The following ZNF454 variants were observed in gnomAD, a reference collection of about 807,000 sequenced individuals.
ZNF454 encodes the protein zinc finger protein 454.
A neutral mutation model predicts 48.2 loss-of-function variants in ZNF454; 30 were observed. The ratio of observed to expected loss-of-function variants is 0.62; its 90% CI spans 0.47 to 0.84. The LOEUF (loss-of-function observed/expected upper bound fraction) is 0.84, where lower values mean the gene tolerates loss of function less well. Ranked by LOEUF, ZNF454 falls within the 40% of genes least tolerant of loss-of-function variation. The pLI is 0.00. For synonymous variants in ZNF454, 204 were observed against 211.4 expected (o/e 0.97, Z 0.30); for missense variants, 510 against 623.1 (o/e 0.82, Z 1.93).
At chr5:178,983,842 C>T in the ZNF454 span, among the ~76,000 whole-genome samples, 7 of 152,214 alleles carry the variant, frequency 4.6e-5, no homozygotes, top group African/African-American at 1.7e-4. Context: ...AGGAACGAAG[C>T]CACCTGCATA....
the ZNF454 span, among the ~76,000 whole-genome samples, chr5:178,974,914 A>G: frequency 6.6e-6 from 1 of 152,192 alleles, no homozygotes; most frequent in South Asian, 2.1e-4. Context: ...AAGCTGGACC[A>G]CCACGGATCT....
At chr5:178,989,337 A>C in the ZNF454 span, 1 of 1,613,374 alleles carries the variant, frequency 6.2e-7, no homozygotes, top group South Asian at 1.1e-5. Flanking sequence ...TTCTCTTCCC[A>C]GAACTCGGCG....
chr5:178,985,556 A>G, the ZNF454 span: 7 of 337,834 alleles, frequency 2.1e-5, no homozygotes, highest in East Asian at 8.2e-5. Flanking sequence ...ACAAAAAATT[A>G]GCCGGGCGTG....
downstream of ZNF454, among the ~76,000 whole-genome samples, chr5:178,970,532 CAT>C (rs772709129): frequency 1.3e-5 from 2 of 152,240 alleles, no homozygotes; most frequent in African/African-American, 2.4e-5. Flanking sequence ...CTGTGTACCA[CAT>C]GTCACTGTCT....
the ZNF454 span, among the ~76,000 whole-genome samples, chr5:178,974,603 C>T: frequency 3.3e-5 from 5 of 152,164 alleles, no homozygotes; most frequent in Non-Finnish European, 7.3e-5. Context: ...GAGGCGTGAG[C>T]CACCGCGCCC....
chr5:178,959,662 G>A (rs929970765), intron 4 of ZNF454, among the ~76,000 whole-genome samples: 1 of 151,898 alleles, frequency 6.6e-6, no homozygotes, highest in East Asian at 1.9e-4. Context: ...CTGGAGTGCA[G>A]TGGCACAATC....
intron 4 of ZNF454, among the ~76,000 whole-genome samples, chr5:178,963,579 G>A (rs549634839): frequency 7.2e-5 from 11 of 151,762 alleles, no homozygotes; most frequent in African/African-American, 1.4e-4. Context: ...TCTGTGTTTG[G>A]AATCTAGCCC....
chr5:178,946,538 C>A lies in ZNF454; in HGVS notation c.160+53C>A, dbSNP rs74481857. ...TTCACTTTTGGGGATCTCTTTGGGA[C>A]CCTTACATTGACACCATATAGAAGA... On this transcript the variant is annotated intron_variant, in intron 3 of 4. Transcript: ENST00000519564. The surrounding 1 kb of genome is among the most constrained non-coding windows in gnomAD (Gnocchi z 4.5). 8.3e-3 allele frequency: 12,847 copies of A among 1,549,400 alleles called. 69 individuals carry two copies. Among genetic ancestry groups the A allele is most frequent in the Non-Finnish European group, 9.9e-3 (11,441 of 1,152,504 alleles).
chr5:178,968,763 T>C (rs550579860), downstream of ZNF454: 44 of 456,598 alleles, frequency 9.6e-5, no homozygotes, highest in East Asian at 1.0e-3. Context: ...CTAAGCTGAG[T>C]TGGTTGGTGG....
At chr5:178,948,534 A>G (rs533752533) in intron 4 of ZNF454, among the ~76,000 whole-genome samples, 33 of 152,280 alleles carry the variant, frequency 2.2e-4, no homozygotes, top group African/African-American at 7.9e-4. Flanking sequence ...TTTTGTGCCT[A>G]CAGAGATTTC....
the ZNF454 span, chr5:178,985,715 C>G: frequency 8.8e-5 from 34 of 384,922 alleles, 1 homozygote; most frequent in African/African-American, 3.5e-4. Context: ...AAAAAAAAAA[C>G]AAAACAACAC....
At chr5:178,945,028 ATG>A (rs150814446) in intron 2 of ZNF454, among the ~76,000 whole-genome samples, 1,821 of 124,482 alleles carry the variant, frequency 0.015, 45 homozygotes, top group African/African-American at 0.051. Context: ...ACACGTGTGC[ATG>A]TGTGTGTGTG....
chr5:178,962,445 T>G (rs1760035692), intron 4 of ZNF454, among the ~76,000 whole-genome samples: 1 of 151,820 alleles, frequency 6.6e-6, no homozygotes, highest in African/African-American at 2.4e-5. Flanking sequence ...CATGTTTTAC[T>G]ATGGATATTT....
At chr5:178,974,166 C>T in the ZNF454 span, among the ~76,000 whole-genome samples, 6 of 152,276 alleles carry the variant, frequency 3.9e-5, no homozygotes, top group East Asian at 5.8e-4. Flanking sequence ...AGAATTCATC[C>T]GAGTTGGCGA....
chr5:178,981,460 A>C, the ZNF454 span: 1 of 573,596 alleles, frequency 1.7e-6, no homozygotes, highest in Non-Finnish European at 3.1e-6. The surrounding 1 kb of genome is among the most constrained non-coding windows in gnomAD (Gnocchi z 5.1). Flanking sequence ...GTGAGGAAGC[A>C]TGAAGCTCAC....
At chr5:178,966,544 A>G (rs1209058269), downstream of ZNF454, 2 of 152,106 alleles carry the variant, frequency 1.3e-5, no homozygotes, top group African/African-American at 4.8e-5. Context: ...ACCAAAATGG[A>G]GCTTCATTAA....
At chr5:178,974,571 G>A in the ZNF454 span, among the ~76,000 whole-genome samples, 2 of 152,282 alleles carry the variant, frequency 1.3e-5, no homozygotes, top group East Asian at 3.9e-4. Context: ...ACCTAGCTTG[G>A]CCTCTGAAAG....
chr5:178,985,179 C>T, the ZNF454 span: 8 of 435,044 alleles, frequency 1.8e-5, no homozygotes, highest in Non-Finnish European at 3.2e-5. Flanking sequence ...CTTGTGGAAA[C>T]AGGAAAACCG....
At chr5:178,963,249 A>G (rs921752138) in intron 4 of ZNF454, among the ~76,000 whole-genome samples, 2 of 151,794 alleles carry the variant, frequency 1.3e-5, no homozygotes, top group African/African-American at 4.8e-5. Context: ...TTTCTGCAGA[A>G]ATGTTAGTCT....
Sources: gnomAD v4.1 joint callset for allele counts (sites outside exome capture counted in the v4.1 genomes callset) on GRCh38, gnomAD v4.1.1 for gene constraint, Gnocchi (gnomAD v3.1) non-coding constraint, MANE v1.5 for transcripts, NCBI Gene and HGNC (gene_info 2026-07-23, HGNC 2026-07-21) for gene names.